The following CFAP47 variants were observed in gnomAD, a reference collection of about 807,000 sequenced individuals.
CFAP47 encodes cilia- and flagella-associated protein 47.
CFAP47 carries 29 observed loss-of-function variants against 148.1 expected under a neutral mutation model. The observed-to-expected ratio is 0.20, with a 90% confidence interval of 0.15 to 0.27. CFAP47 has a LOEUF of 0.27. CFAP47 is among the 10% of genes least tolerant of loss of function. CFAP47 has a pLI of 1.00. For missense variants in CFAP47, 1,872 were observed against 1,697.5 expected, an observed-to-expected ratio of 1.10 and a Z score of -1.81; for synonymous variants, 664 against 577.3, an observed-to-expected ratio of 1.15 and a Z score of -2.15.
At chrX:36,198,133 C>T (rs1555987463) in intron 42 of CFAP47, among the ~76,000 whole-genome samples, 1 of 111,070 alleles carries the variant, frequency 9.0e-6, no homozygotes, top group African/African-American at 3.3e-5. Context: ...TGGCCTGTGA[C>T]CCAGCCCCAG....
At chrX:35,946,256 G>T (rs895240473) in intron 3 of CFAP47, among the ~76,000 whole-genome samples, 3 of 111,598 alleles carry the variant, frequency 2.7e-5, no homozygotes, top group Non-Finnish European at 5.6e-5. Context: ...CAAACAAATG[G>T]TTTTTGTATT....
At chrX:36,366,940 A>G (rs1941882877) in intron 61 of CFAP47, 26 bp from the exon 62 acceptor site, 1 of 1,054,479 alleles carries the variant, frequency 9.5e-7, no homozygotes, top group Non-Finnish European at 1.3e-6. Context: ...ACGTAGTGTC[A>G]TTTAAAATCT....
At chrX:35,929,849 A>C (rs1935799746) in intron 2 of CFAP47, among the ~76,000 whole-genome samples, 1 of 110,324 alleles carries the variant, frequency 9.1e-6, no homozygotes, top group Non-Finnish European at 1.9e-5. Context: ...AAATACAAAA[A>C]TTAGCTGGGC....
chrX:36,207,303 CT>C (rs1327382249), intron 45 of CFAP47, among the ~76,000 whole-genome samples: 39 of 105,855 alleles, frequency 3.7e-4, no homozygotes, highest in South Asian at 8.0e-4. Flanking sequence ...TGAAACAAAA[CT>C]TTTTTTTTTT....
At chrX:36,123,578 C>T (rs1228758145) in intron 33 of CFAP47, among the ~76,000 whole-genome samples, 1 of 111,636 alleles carries the variant, frequency 9.0e-6, no homozygotes, top group Admixed American at 9.5e-5. Flanking sequence ...CCACCACAGG[C>T]TCACAGTGAG....
chrX:36,078,022 C>T (rs2146768073), intron 29 of CFAP47, among the ~76,000 whole-genome samples: 1 of 109,209 alleles, frequency 9.2e-6, no homozygotes, highest in Admixed American at 9.8e-5. Context: ...GAGCAAGACT[C>T]AGTCTCAAAA....
intron 51 of CFAP47, among the ~76,000 whole-genome samples, chrX:36,288,999 C>CTTTTTTTTTTTTTTTTTTTT (rs34230885): frequency 1.5e-5 from 1 of 66,472 alleles, no homozygotes; most frequent in Admixed American, 1.9e-4. Context: ...TTCTTTCATC[C>CTTTTTTTTTTTTTTTTTTTT]TTTTTTTTTT....
At chrX:36,174,367 C>G (rs1213606210) in intron 39 of CFAP47, among the ~76,000 whole-genome samples, 3 of 108,777 alleles carry the variant, frequency 2.8e-5, no homozygotes, top group Non-Finnish European at 5.8e-5. Context: ...TTATTTTGCT[C>G]GTTAGTTGAT....
At chrX:36,035,515 G>A (rs762768615) in intron 23 of CFAP47, among the ~76,000 whole-genome samples, 180 bp from the exon 24 acceptor site, 7 of 111,779 alleles carry the variant, frequency 6.3e-5, no homozygotes, top group African/African-American at 2.3e-4. Context: ...ATGCCATAGA[G>A]AACAGTTTCA....
intron 57 of CFAP47, among the ~76,000 whole-genome samples, chrX:36,344,258 A>G (rs1487605897): frequency 2.5e-5 from 2 of 79,815 alleles, no homozygotes; most frequent in South Asian, 4.2e-4. Flanking sequence ...AGAGAGAAAG[A>G]AAAAAAAAAA....
intron 15 of CFAP47, among the ~76,000 whole-genome samples, chrX:35,978,958 A>T (rs995620585): frequency 9.0e-6 from 1 of 111,433 alleles, no homozygotes; most frequent in East Asian, 2.8e-4. Context: ...AGGGGAGAAT[A>T]TAAGAGTGGA....
At chrX:36,067,885 T>G (rs959227682) in intron 27 of CFAP47, among the ~76,000 whole-genome samples, 8 of 110,500 alleles carry the variant, frequency 7.2e-5, no homozygotes, top group South Asian at 3.9e-4. Flanking sequence ...TCTCCTGACC[T>G]CGTGATCCGC....
intron 49 of CFAP47, among the ~76,000 whole-genome samples, chrX:36,261,961 C>T (rs1331075283): frequency 9.1e-6 from 1 of 109,700 alleles, no homozygotes; most frequent in African/African-American, 3.3e-5. Flanking sequence ...GGCTGACCCC[C>T]CACCTCCCTC....
chrX:36,371,575 G>GTA (rs200310269), intron 62 of CFAP47, among the ~76,000 whole-genome samples: 3 of 91,116 alleles, frequency 3.3e-5, no homozygotes, highest in Admixed American at 2.3e-4. Flanking sequence ...ATATATGTGT[G>GTA]TATATATATG....
At chrX:36,068,933 C>T (rs1168312159) in intron 27 of CFAP47, among the ~76,000 whole-genome samples, 1 of 101,213 alleles carries the variant, frequency 9.9e-6, no homozygotes, top group Non-Finnish European at 2.0e-5. Context: ...TCCAGCCTGG[C>T]GACAGAGCGA....
chrX:36,092,565 G>A (rs1033014550), intron 30 of CFAP47, among the ~76,000 whole-genome samples: 5 of 110,201 alleles, frequency 4.5e-5, no homozygotes, highest in South Asian at 3.7e-4. Context: ...AGAAAACATC[G>A]TAGGCACATT....
intron 15 of CFAP47, among the ~76,000 whole-genome samples, chrX:35,976,926 A>G (rs911592522): frequency 8.9e-6 from 1 of 111,834 alleles, no homozygotes; most frequent in Non-Finnish European, 1.9e-5. Flanking sequence ...ATAATTCCAC[A>G]TAGTATACCT....
chrX:36,153,336 C>T (rs1208466208), intron 37 of CFAP47, among the ~76,000 whole-genome samples: 1 of 112,184 alleles, frequency 8.9e-6, no homozygotes, highest in Non-Finnish European at 1.9e-5. Flanking sequence ...TCTTCTTTGA[C>T]TTGAAACTCT....
chrX:36,147,561 G>T (rs1035283120), intron 36 of CFAP47, among the ~76,000 whole-genome samples: 1 of 112,601 alleles, frequency 8.9e-6, no homozygotes, highest in Non-Finnish European at 1.9e-5. Flanking sequence ...TTGTATGAAT[G>T]TATGTACCTA....
Sources: allele counts gnomAD v4.1 joint callset (sites outside exome capture counted in the v4.1 genomes callset), GRCh38; gene constraint gnomAD v4.1.1; transcripts MANE v1.5; gene names NCBI Gene and HGNC (gene_info 2026-07-23, HGNC 2026-07-21).